Variants in DDAH1 observed in about 807,000 individuals in gnomAD.
The protein encoded by DDAH1 is N(G),N(G)-dimethylarginine dimethylaminohydrolase 1.
A neutral mutation model predicts 28.8 loss-of-function variants in DDAH1; 19 were observed. The observed-to-expected ratio is 0.66, with a 90% CI of 0.46 to 0.97. DDAH1 has a LOEUF of 0.97. Ranked by LOEUF, DDAH1 falls within the 50% of genes least tolerant of loss-of-function variation. The pLI is 0.00. For synonymous variants in DDAH1, 153 were observed against 154.4 expected, an observed-to-expected ratio of 0.99 and a Z score of 0.07; for missense variants, 326 against 375.9, an observed-to-expected ratio of 0.87 and a Z score of 1.10.
At position 85,358,689 on chromosome 1, in the gene DDAH1, G is replaced by A. The variant is rs1649621469; in HGVS notation, c.403+59C>T. 4.0e-6 allele frequency: 5 copies of A among 1,237,798 alleles called. No individual in the cohort carries two copies. In the Admixed American group the frequency reaches 6.8e-5, roughly 17 times the overall value. 76.7% of individuals were successfully genotyped at this position (1,237,798 alleles called of 1,614,324 possible). A position where few individuals can be genotyped will look rare whatever the true frequency, so the allele number is the denominator to read the frequency against. ...AACACAAAAAACTATAATAAAACAA[G>A]TAAATACAAGCCAAGTATTAAAAAT... On this transcript the variant is annotated intron_variant, in intron 2 of 5. Transcript: ENST00000284031.
At chr1:85,432,236 G>A (rs775814084) in intron 1 of DDAH1, among the ~76,000 whole-genome samples, 11 of 152,070 alleles carry the variant, frequency 7.2e-5, no homozygotes, top group African/African-American at 1.2e-4. Flanking sequence ...TCACCACACC[G>A]GAACTCCTTC....
At chr1:85,346,130 T>C (rs1039561283) in intron 4 of DDAH1, among the ~76,000 whole-genome samples, 7 of 152,124 alleles carry the variant, frequency 4.6e-5, no homozygotes, top group African/African-American at 1.7e-4. Context: ...TACCTAAACA[T>C]GTAAGAAGTA....
chr1:85,330,648 T>C (rs1557468240), intron 4 of DDAH1, among the ~76,000 whole-genome samples: 1 of 152,174 alleles, frequency 6.6e-6, no homozygotes, highest in Non-Finnish European at 1.5e-5. Flanking sequence ...CTACAGGATT[T>C]GGGGGAAAGA....
chr1:85,564,969 G>T (rs1235715964), intron 1 of DDAH1, among the ~76,000 whole-genome samples: 1 of 152,000 alleles, frequency 6.6e-6, no homozygotes, highest in Non-Finnish European at 1.5e-5. Context: ...GGCCAAGGCA[G>T]GCGGATCACG....
intron 1 of DDAH1, among the ~76,000 whole-genome samples, chr1:85,524,927 G>T (rs620358): frequency 1.7e-5 from 1 of 57,618 alleles, no homozygotes; most frequent in Non-Finnish European, 4.8e-5. Flanking sequence ...CAGATGGGGG[G>T]AAGTTGTCAG....
chr1:85,384,925 C>T (rs1464302523), intron 1 of DDAH1, among the ~76,000 whole-genome samples: 2 of 152,266 alleles, frequency 1.3e-5, no homozygotes, highest in East Asian at 1.9e-4. Context: ...ACTTAAAATG[C>T]TAAGCTCTGA....
intron 1 of DDAH1, among the ~76,000 whole-genome samples, chr1:85,389,050 G>C (rs1651416470): frequency 6.6e-6 from 1 of 152,004 alleles, no homozygotes; most frequent in Non-Finnish European, 1.5e-5. Context: ...ATCATTAACA[G>C]TTGTTTTTAG....
At chr1:85,344,581 C>T (rs558402405) in intron 4 of DDAH1, among the ~76,000 whole-genome samples, 61 of 151,696 alleles carry the variant, frequency 4.0e-4, no homozygotes, top group African/African-American at 1.4e-3. Flanking sequence ...TCATCCTTCC[C>T]TCCCTTCCCT....
At chr1:85,449,153 A>G (rs903432645) in intron 1 of DDAH1, among the ~76,000 whole-genome samples, 2 of 152,210 alleles carry the variant, frequency 1.3e-5, no homozygotes, top group Admixed American at 1.3e-4. Context: ...CAAAACAAAG[A>G]AGACTCAGAA....
At chr1:85,517,196 C>CAAAATTTA (rs1657504761) in intron 1 of DDAH1, among the ~76,000 whole-genome samples, 1 of 150,762 alleles carries the variant, frequency 6.6e-6, no homozygotes, top group Non-Finnish European at 1.5e-5. Flanking sequence ...CATCATAACA[C>CAAAATTTA]TCTAAAATTT....
chr1:85,559,233 A>G (rs543435827), intron 1 of DDAH1, among the ~76,000 whole-genome samples: 3 of 152,340 alleles, frequency 2.0e-5, no homozygotes, highest in Admixed American at 1.3e-4. Context: ...GTCATTCAGT[A>G]GAGACACCAG....
chr1:85,439,695 T>C (rs1191549580), intron 1 of DDAH1, among the ~76,000 whole-genome samples: 5 of 152,228 alleles, frequency 3.3e-5, no homozygotes, highest in African/African-American at 1.2e-4. Context: ...CTAACACTTA[T>C]TGTGTGTCTA....
At chr1:85,488,810 T>C (rs141171520) in intron 2 of DDAH1, among the ~76,000 whole-genome samples, 2 of 152,294 alleles carry the variant, frequency 1.3e-5, no homozygotes, top group African/African-American at 4.8e-5. Flanking sequence ...AGACATAAAC[T>C]GGAATTATAT....
intron 1 of DDAH1, chr1:85,404,586 G>T: frequency 1.5e-6 from 2 of 1,312,134 alleles, no homozygotes; most frequent in Non-Finnish European, 2.0e-6. Flanking sequence ...GACTCTTGTG[G>T]GAATACAGAG....
At chr1:85,343,027 C>G (rs1648602931) in intron 4 of DDAH1, among the ~76,000 whole-genome samples, 1 of 152,116 alleles carries the variant, frequency 6.6e-6, no homozygotes, top group Non-Finnish European at 1.5e-5. Context: ...TTGAAAGGCC[C>G]CTTATAAGGC....
rs775314974 is a variant in DDAH1 at position 85,464,928 on chromosome 1, C to T, written c.118G>A (p.Val40Ile). 1.3e-6 allele frequency: 2 copies of T among 1,548,392 alleles called. No individual in the cohort carries two copies. The highest frequency in any genetic ancestry group is 1.9e-4 in the Middle Eastern group (1 of 5,214). Residue 40 changes from valine (V) to isoleucine (I), a missense_variant, in exon 1 of 6, where the codon GTC (valine) becomes ATC (isoleucine). By Grantham distance (29) the Val-to-Ile change is conservative. Transcript: ENST00000284031. This position sits in a 1 kb window ranked among gnomAD's most constrained non-coding sequence, Gnocchi z 4.4. Reference sequence around the variant, plus strand: ...TGGTGCTGCCGTTCCGCGCGGGCGACGTCCACCTCCTCGCCCTTGGCGCTT... The same window carrying T: ...TGGTGCTGCCGTTCCGCGCGGGCGATGTCCACCTCCTCGCCCTTGGCGCTT... Reference protein sequence around the residue: ...LRSAKGEEVDVARAERQHQLY... With the variant: ...LRSAKGEEVDIARAERQHQLY...
chr1:85,493,314 T>C (rs559270315), intron 2 of DDAH1: 8 of 152,284 alleles, frequency 5.3e-5, no homozygotes, highest in Admixed American at 5.2e-4. Context: ...ATAAATGACT[T>C]AAAGTTAAGT....
intron 1 of DDAH1, among the ~76,000 whole-genome samples, chr1:85,412,982 C>G (rs962719823): frequency 1.3e-5 from 2 of 152,126 alleles, no homozygotes; most frequent in African/African-American, 4.8e-5. Flanking sequence ...GCCTGGGTGA[C>G]AGAGCAAGAC....
chr1:85,498,740 GA>G (rs1318900743), intron 1 of DDAH1, among the ~76,000 whole-genome samples: 4 of 152,132 alleles, frequency 2.6e-5, no homozygotes, highest in South Asian at 4.2e-4. Context: ...ACAACGTGGT[GA>G]AACCCTGTCT....
Sources: allele counts gnomAD v4.1 joint callset (sites outside exome capture counted in the v4.1 genomes callset), GRCh38; gene constraint gnomAD v4.1.1; non-coding constraint Gnocchi (gnomAD v3.1); transcripts MANE v1.5; gene names NCBI Gene and HGNC (gene_info 2026-07-23, HGNC 2026-07-21).